Variants in SMYD3 observed in about 807,000 individuals in gnomAD.
SMYD3 encodes the protein histone-lysine N-methyltransferase SMYD3.
SMYD3 carries 36 observed loss-of-function variants against 57.7 expected under a neutral mutation model. The ratio of observed to expected loss-of-function variants is 0.62; its 90% confidence interval spans 0.48 to 0.82. The LOEUF (loss-of-function observed/expected upper bound fraction) is 0.82. SMYD3 is among the 40% of genes least tolerant of loss of function. The pLI is 0.00. For synonymous variants in SMYD3, 211 were observed against 195.0 expected, an observed-to-expected ratio of 1.08 and a Z score of -0.68; for missense variants, 515 against 538.8, an observed-to-expected ratio of 0.96 and a Z score of 0.44.
chr1:245,761,121 T>C (rs149408386), intron 11 of SMYD3, among the ~76,000 whole-genome samples: 294 of 152,298 alleles, frequency 1.9e-3, no homozygotes, highest in African/African-American at 7.0e-3. Context: ...AGAGACTCAA[T>C]GACTTTTGTA....
intron 5 of SMYD3, among the ~76,000 whole-genome samples, chr1:246,085,615 C>T (rs2060709541): frequency 6.6e-6 from 1 of 152,160 alleles, no homozygotes; most frequent in Non-Finnish European, 1.5e-5. Context: ...TAACATTCAG[C>T]TCATCCCCCG....
At chr1:246,082,466 A>G (rs1424345531) in intron 5 of SMYD3, among the ~76,000 whole-genome samples, 1 of 152,084 alleles carries the variant, frequency 6.6e-6, no homozygotes, top group African/African-American at 2.4e-5. Context: ...TACTCAGCAT[A>G]GCAGGACCGT....
intron 1 of SMYD3, among the ~76,000 whole-genome samples, chr1:246,473,165 CT>C (rs1365851907): frequency 6.6e-6 from 1 of 152,202 alleles, no homozygotes; most frequent in African/African-American, 2.4e-5. Context: ...CCTAATGAAT[CT>C]TTTTCATTCC....
At chr1:246,043,865 A>G (rs1187020248) in intron 5 of SMYD3, among the ~76,000 whole-genome samples, 2 of 152,116 alleles carry the variant, frequency 1.3e-5, no homozygotes, top group African/African-American at 2.4e-5. Flanking sequence ...AGAGGAGAAA[A>G]CCTGGCTACA....
intron 5 of SMYD3, among the ~76,000 whole-genome samples, chr1:246,311,646 TAC>T (rs1212842102): frequency 5.9e-5 from 9 of 152,302 alleles, no homozygotes; most frequent in South Asian, 2.1e-4. Flanking sequence ...GTGACACGCA[TAC>T]ACACACGCGC....
intron 1 of SMYD3, among the ~76,000 whole-genome samples, chr1:246,504,823 T>C (rs572442943): frequency 6.6e-6 from 1 of 152,166 alleles, no homozygotes; most frequent in Non-Finnish European, 1.5e-5. Flanking sequence ...CAATGGACAG[T>C]GAATAAAGAG....
At chr1:246,176,493 A>C (rs2062436836) in intron 5 of SMYD3, among the ~76,000 whole-genome samples, 1 of 152,212 alleles carries the variant, frequency 6.6e-6, no homozygotes, top group South Asian at 2.1e-4. Context: ...ACACGAAAAC[A>C]TATTCGAAGC....
chr1:246,166,290 C>A (rs908177944), intron 5 of SMYD3, among the ~76,000 whole-genome samples: 1 of 152,058 alleles, frequency 6.6e-6, no homozygotes, highest in African/African-American at 2.4e-5. Context: ...CCTTCACAGT[C>A]CTAAAGAAAA....
intron 8 of SMYD3, among the ~76,000 whole-genome samples, chr1:245,901,627 G>A (rs1408908237): frequency 2.9e-5 from 4 of 136,200 alleles, no homozygotes; most frequent in Non-Finnish European, 6.3e-5. Context: ...CTGACTAGAG[G>A]CAGCTGGCAC....
At chr1:246,298,120 A>G (rs2064827886) in intron 5 of SMYD3, among the ~76,000 whole-genome samples, 1 of 152,098 alleles carries the variant, frequency 6.6e-6, no homozygotes, top group Non-Finnish European at 1.5e-5. Flanking sequence ...CTTTGTCTAT[A>G]TAAACCTGCA....
At chr1:246,237,998 C>G (rs1178628831) in intron 5 of SMYD3, among the ~76,000 whole-genome samples, 1 of 152,062 alleles carries the variant, frequency 6.6e-6, no homozygotes, top group African/African-American at 2.4e-5. Flanking sequence ...TACACTCTAT[C>G]TTGGGTGATA....
At chr1:245,811,047 T>C (rs980261946) in intron 10 of SMYD3, among the ~76,000 whole-genome samples, 2 of 152,224 alleles carry the variant, frequency 1.3e-5, no homozygotes, top group Non-Finnish European at 2.9e-5. Context: ...ACATGGCTTC[T>C]TGCCTCTGAA....
At chr1:246,421,114 G>A (rs114956717) in intron 1 of SMYD3, among the ~76,000 whole-genome samples, 2,481 of 152,210 alleles carry the variant, frequency 0.016, 23 homozygotes, top group Non-Finnish European at 0.024. Flanking sequence ...AGGAATAATC[G>A]AAATTACTAA....
At chr1:246,326,131 T>C (rs1419908874) in intron 5 of SMYD3, 1 of 371,704 alleles carries the variant, frequency 2.7e-6, no homozygotes, top group Non-Finnish European at 4.8e-6. Context: ...CATTTAATTT[T>C]TCAGAAAACA....
chr1:246,505,388 G>A (rs955856363), intron 1 of SMYD3, among the ~76,000 whole-genome samples: 3 of 151,596 alleles, frequency 2.0e-5, no homozygotes, highest in African/African-American at 4.9e-5. Flanking sequence ...AAAGAAGAAT[G>A]GTTGAGAGAA....
intron 10 of SMYD3, among the ~76,000 whole-genome samples, chr1:245,812,124 C>T (rs1347970173): frequency 6.6e-6 from 1 of 152,124 alleles, no homozygotes; most frequent in Non-Finnish European, 1.5e-5. Flanking sequence ...GTCTGCAGGC[C>T]ACATCAGCCA....
At chr1:245,978,801 TC>T (rs2058520369) in intron 5 of SMYD3, among the ~76,000 whole-genome samples, 1 of 152,124 alleles carries the variant, frequency 6.6e-6, no homozygotes, top group African/African-American at 2.4e-5. Context: ...TCATTTCTGC[TC>T]CCATTTCCCC....
chr1:246,006,669 T>G (rs1290478160), intron 5 of SMYD3, among the ~76,000 whole-genome samples: 3 of 152,084 alleles, frequency 2.0e-5, no homozygotes, highest in Non-Finnish European at 4.4e-5. Context: ...TGCCAAATAC[T>G]GACCTGTCTC....
At chr1:246,238,246 C>T (rs542544993) in intron 5 of SMYD3, among the ~76,000 whole-genome samples, 11 of 152,188 alleles carry the variant, frequency 7.2e-5, no homozygotes, top group Non-Finnish European at 1.3e-4. Flanking sequence ...ACCCAGGCTG[C>T]ACTCGAACTC....
Sources: gnomAD v4.1 joint callset for allele counts (sites outside exome capture counted in the v4.1 genomes callset) on GRCh38, gnomAD v4.1.1 for gene constraint, MANE v1.5 for transcripts, NCBI Gene and HGNC (gene_info 2026-07-23, HGNC 2026-07-21) for gene names.